NIBAN3: variants seen among roughly 807,000 people sequenced by gnomAD.
NIBAN3 encodes niban apoptosis regulator 3, also known as protein Niban 3.
Under a neutral mutation model 76.4 loss-of-function variants are expected in NIBAN3, and 66 were observed. The ratio of observed to expected loss-of-function variants is 0.86; its 90% CI spans 0.71 to 1.06. The LOEUF is 1.06. Ranked by LOEUF, NIBAN3 falls within the 50% of genes least tolerant of loss-of-function variation. NIBAN3 has a pLI of 0.00. For missense variants in NIBAN3, 808 were observed against 810.7 expected (o/e 1.00, Z 0.04); for synonymous variants, 360 against 355.2 (o/e 1.01, Z -0.15).
intron 1 of NIBAN3, among the ~76,000 whole-genome samples, chr19:17,529,213 G>T (rs1487198441): frequency 6.6e-6 from 1 of 152,236 alleles, no homozygotes; most frequent in Admixed American, 6.5e-5. Flanking sequence ...GGGCTGGGGG[G>T]GCATTGTAAG....
At chr19:17,547,942 G>A (rs1273559429) in intron 13 of NIBAN3, among the ~76,000 whole-genome samples, 1 of 152,218 alleles carries the variant, frequency 6.6e-6, no homozygotes, top group African/African-American at 2.4e-5. Flanking sequence ...TGGGATTACC[G>A]GCGTGAGAGA....
intron 14 of NIBAN3, among the ~76,000 whole-genome samples, chr19:17,550,063 G>A (rs893960885): frequency 1.5e-4 from 23 of 151,960 alleles, no homozygotes; most frequent in Admixed American, 5.3e-4. Context: ...CACATGATCT[G>A]ACTGCCTCAG....
upstream of NIBAN3, chr19:17,523,453 G>T: frequency 6.4e-7 from 1 of 1,564,346 alleles, no homozygotes; most frequent in Non-Finnish European, 8.7e-7. Flanking sequence ...GGCCTGACCG[G>T]AAGGAGGTTG....
intron 1 of NIBAN3, among the ~76,000 whole-genome samples, chr19:17,528,314 A>G (rs963803595): frequency 6.6e-6 from 1 of 151,502 alleles, no homozygotes; most frequent in East Asian, 2.0e-4. Context: ...TTGGTCTCGA[A>G]CTCCTGATCT....
rs149574830 is a variant in NIBAN3 at position 17,542,203 on chromosome 19, G to A, written c.1238G>A (p.Arg413Gln). The change falls in exon 10 of 15, where the codon CGG (arginine) becomes CAG (glutamine). Residue 413 changes from arginine to glutamine, a missense_variant. Coordinates refer to ENST00000599164, the MANE Select transcript of NIBAN3 (RefSeq NM_001321827.2). This position sits in a 1 kb window ranked among gnomAD's most constrained non-coding sequence, Gnocchi z 4.8. Reference protein sequence around the residue: ...LMQTCYREAERSRGRLGQLAA... With the variant: ...LMQTCYREAEQSRGRLGQLAA... ...CAGACATGCTACCGTGAGGCCGAGCGGAGCCGGGGGCGCTTGGGGCAGCTG... is the reference window on the plus strand; with the variant it reads ...CAGACATGCTACCGTGAGGCCGAGCAGAGCCGGGGGCGCTTGGGGCAGCTG... The A allele has an allele frequency of 4.1e-5, 66 of 1,614,176 alleles. No individual in the cohort carries two copies. The highest frequency in any genetic ancestry group is 8.0e-5 in the African/African-American group (6 of 75,054).
rs1394952665 is a variant in NIBAN3, at chr19:17,553,601, C to T, written c.*1703C>T. The T allele has an allele frequency of 6.4e-7, 1 of 1,563,982 alleles. No homozygotes were observed. Among genetic ancestry groups the T allele is most frequent in the East Asian group, 2.2e-5 (1 of 44,514 alleles). On this transcript the variant is annotated 3_prime_UTR_variant, in exon 15 of 15. Transcript: ENST00000599164. ...CTTTCCACCTATTTCCCTCCAACCC[C>T]ACCTTCCGAAATACATTTGCTCAAT...
At chr19:17,541,610 C>T (rs1045004319) in intron 9 of NIBAN3, among the ~76,000 whole-genome samples, 1 of 152,086 alleles carries the variant, frequency 6.6e-6, no homozygotes, top group African/African-American at 2.4e-5. Flanking sequence ...CAGGTTTTAT[C>T]ATTTTATGTC....
upstream of NIBAN3, among the ~76,000 whole-genome samples, chr19:17,526,770 C>T (rs2075613521): frequency 6.6e-6 from 1 of 152,140 alleles, no homozygotes; most frequent in Admixed American, 6.6e-5. Context: ...CTCTGCTCAC[C>T]CCTGCCAGGC....
In NIBAN3 at chr19:17,543,427, G is replaced by C; in HGVS notation, c.1440G>C (p.Val480=). The C allele has an allele frequency of 1.2e-6, 2 of 1,613,754 alleles. No individual in the cohort carries two copies. Among genetic ancestry groups the C allele is most frequent in the Non-Finnish European group, 1.7e-6 (2 of 1,179,640 alleles). The change falls in exon 11 of 15, where the codon GTG becomes GTC. Residue 480 remains valine (V), a synonymous_variant. Coordinates refer to ENST00000599164, the MANE Select transcript of NIBAN3 (RefSeq NM_001321827.2). ...GGCTGGAGAGAGTCAGGGGGCGCGT[G>C]CTGAAGGTGTGTTCTGTGGGTACGG... ...AQRLERVRGR[V]LKKFKSDSGL...
At chr19:17,533,236 C>T (rs941221286) in intron 3 of NIBAN3, among the ~76,000 whole-genome samples, 3 of 152,038 alleles carry the variant, frequency 2.0e-5, no homozygotes, top group African/African-American at 4.8e-5. Flanking sequence ...ATGGCGAAAC[C>T]CCGTCTCAAT....
intron 5 of NIBAN3, 21 bp downstream of exon 5, chr19:17,537,564 G>A (rs1273691991): frequency 6.4e-7 from 1 of 1,553,662 alleles, no homozygotes; most frequent in Admixed American, 1.8e-5. Flanking sequence ...GGACGGGTCA[G>A]ACATTTGTGG....
At chr19:17,533,164 CTT>C (rs1206809235) in intron 3 of NIBAN3, among the ~76,000 whole-genome samples, 2 of 152,236 alleles carry the variant, frequency 1.3e-5, no homozygotes, top group East Asian at 3.9e-4. Context: ...AATGCCAACA[CTT>C]TGGGAGACCA....
At chr19:17,537,632 C>T in intron 5 of NIBAN3, 89 bp downstream of exon 5, 1 of 1,297,552 alleles carries the variant, frequency 7.7e-7, no homozygotes, top group South Asian at 1.5e-5. Flanking sequence ...CTCTCCAGGC[C>T]TCACTTTCTT....
chr19:17,553,984 CCTCGGCCTCCGTAGTAG>C (rs2076193730), downstream of NIBAN3: 2 of 158,968 alleles, frequency 1.3e-5, no homozygotes, highest in East Asian at 3.7e-4. Context: ...GATTCTCCTG[CCTCGGCCTCCGTAGTAG>C]CTGGGATTAC....
chr19:17,549,825 T>C (rs112254649), intron 14 of NIBAN3: 1 of 381,170 alleles, frequency 2.6e-6, no homozygotes, highest in Non-Finnish European at 4.6e-6. Flanking sequence ...TCTCTCTCTC[T>C]CTTTTTTTTT....
intron 14 of NIBAN3, 47 bp from the exon 15 acceptor site, chr19:17,551,739 A>C: frequency 1.4e-6 from 1 of 728,068 alleles, no homozygotes; most frequent in Non-Finnish European, 2.6e-6. Flanking sequence ...CATGCCAGGC[A>C]TCTGACACAT....
chr19:17,533,345 G>T, intron 3 of NIBAN3: 1 of 403,880 alleles, frequency 2.5e-6, no homozygotes, highest in Non-Finnish European at 4.4e-6. Context: ...GGGAGGTGGA[G>T]GTTGCGGTGA....
At chr19:17,548,369 T>G (rs1383750929) in intron 13 of NIBAN3, among the ~76,000 whole-genome samples, 2 of 151,354 alleles carry the variant, frequency 1.3e-5, no homozygotes, top group Non-Finnish European at 2.9e-5. Context: ...TGAGCAGAGG[T>G]CAACAGAAGC....
At chr19:17,526,360 A>G (rs2075608238), upstream of NIBAN3, among the ~76,000 whole-genome samples, 1 of 151,680 alleles carries the variant, frequency 6.6e-6, no homozygotes, top group Admixed American at 6.6e-5. Flanking sequence ...AACGTGAAAT[A>G]TGCCAGGTGT....
Sources: allele counts gnomAD v4.1 joint callset (sites outside exome capture counted in the v4.1 genomes callset), GRCh38; gene constraint gnomAD v4.1.1; non-coding constraint Gnocchi (gnomAD v3.1); transcripts MANE v1.5; gene names NCBI Gene and HGNC (gene_info 2026-07-23, HGNC 2026-07-21).